Variants in TTLL9 observed in about 807,000 individuals in gnomAD.
TTLL9 encodes tubulin tyrosine ligase like 9, also known as probable tubulin polyglutamylase TTLL9.
TTLL9 carries 47 observed loss-of-function variants against 65.6 expected under a neutral mutation model. That is an observed-to-expected ratio of 0.72 (90% CI 0.57 to 0.91). The LOEUF (loss-of-function observed/expected upper bound fraction) is 0.91. Ranked by LOEUF, TTLL9 falls within the 40% of genes least tolerant of loss-of-function variation. The probability of loss-of-function intolerance (pLI) is 0.00; values close to 1 mark genes in which losing one functional copy is unlikely to be tolerated. For synonymous variants in TTLL9, 179 were observed against 204.8 expected (o/e 0.87, Z 1.07); for missense variants, 537 against 568.8 (o/e 0.94, Z 0.57).
At chr20:31,928,279 C>T (rs2063943905) in intron 10 of TTLL9, among the ~76,000 whole-genome samples, 1 of 151,882 alleles carries the variant, frequency 6.6e-6, no homozygotes, top group African/African-American at 2.4e-5. Context: ...ACATTTTCCA[C>T]CCCTTCTTTT....
intron 3 of TTLL9, among the ~76,000 whole-genome samples, chr20:31,890,182 T>TTTCTTTCTTTCTTTCTTTCTTTCC (rs1555810240): frequency 2.2e-5 from 3 of 138,084 alleles, no homozygotes; most frequent in African/African-American, 8.4e-5. Context: ...TCTTTCTTTC[T>TTTCTTTCTTTCTTTCTTTCTTTCC]TTCTTTCTTT....
At chr20:31,927,114 C>CAA (rs529572999) in intron 10 of TTLL9, among the ~76,000 whole-genome samples, 15 of 131,804 alleles carry the variant, frequency 1.1e-4, no homozygotes, top group Admixed American at 4.6e-4. Flanking sequence ...GACTGTATGT[C>CAA]AAAAAAAAAA....
At position 31,944,509 on chromosome 20, in the gene TTLL9, A is replaced by G. The variant is rs2123671998; in HGVS notation, c.*1488A>G. 1 of 152,488 alleles carries G rather than the reference A, an allele frequency of 6.6e-6. No individual in the cohort carries two copies. 9.4% of individuals were successfully genotyped at this position (152,488 alleles called of 1,614,324 possible). On this transcript the variant is annotated 3_prime_UTR_variant, in exon 15 of 15. Transcript: ENST00000535842. ...TGAGGGAATCACACTGTGCTTGCAC[A>G]AAAATTATTAGCTTATAAGACACCA...
At chr20:31,910,329 A>G (rs1044554728) in intron 6 of TTLL9, among the ~76,000 whole-genome samples, 2 of 152,256 alleles carry the variant, frequency 1.3e-5, no homozygotes, top group Non-Finnish European at 2.9e-5. Context: ...ACCATGTGCC[A>G]GGCACAGACC....
chr20:31,935,978 C>T (rs2064102598), intron 12 of TTLL9, among the ~76,000 whole-genome samples: 1 of 152,278 alleles, frequency 6.6e-6, no homozygotes, highest in South Asian at 2.1e-4. Flanking sequence ...CAGATGGCTA[C>T]GTCACCTCTC....
chr20:31,937,359 A>G (rs2064129751), intron 12 of TTLL9, 37 bp from the exon 13 acceptor site: 67 of 1,534,894 alleles, frequency 4.4e-5, no homozygotes, highest in Non-Finnish European at 5.9e-5. Context: ...CCAGGGACCG[A>G]GTAACCCTAA....
chr20:31,893,433 G>A (rs2063336389), intron 3 of TTLL9, among the ~76,000 whole-genome samples: 1 of 151,520 alleles, frequency 6.6e-6, no homozygotes, highest in South Asian at 2.1e-4. Context: ...TGGGATTACA[G>A]GTACCCGCCA....
In TTLL9 at chr20:31,922,962, G is replaced by C. The variant is rs776702385; in HGVS notation, c.574-1G>C. The C allele has an allele frequency of 1.1e-5, 18 of 1,609,470 alleles. No individual in the cohort carries two copies. Among genetic ancestry groups the C allele is most frequent in the Non-Finnish European group, 1.5e-5 (18 of 1,175,960 alleles). On this transcript the variant is annotated splice_acceptor_variant, in intron 7 of 14. Coordinates refer to ENST00000535842, the MANE Select transcript of TTLL9 (RefSeq NM_001008409.5). LOFTEE classifies it high-confidence loss of function. ...TCAATTATTATTATTATTACAACTA[G>C]GACACAAGAAGCTCTGACGACCAGA...
At chr20:31,942,442 G>T (rs1414879225) in intron 14 of TTLL9, among the ~76,000 whole-genome samples, 1 of 152,190 alleles carries the variant, frequency 6.6e-6, no homozygotes, top group Non-Finnish European at 1.5e-5. Context: ...AGGGAAGAAA[G>T]CTAACAGTAC....
At chr20:31,887,335 T>G (rs2063207582) in intron 3 of TTLL9, 96 bp downstream of exon 3, 4 of 1,346,878 alleles carry the variant, frequency 3.0e-6, no homozygotes, top group Non-Finnish European at 4.2e-6. Context: ...ACTTCAACAA[T>G]TATAATGAAA....
At chr20:31,937,616 T>C in intron 13 of TTLL9, 107 bp downstream of exon 13, 1 of 840,790 alleles carries the variant, frequency 1.2e-6, no homozygotes, top group Middle Eastern at 2.5e-4. Flanking sequence ...CCCTCAGCGA[T>C]GGCTCTGGCC....
chr20:31,889,042 A>G (rs995493655), intron 3 of TTLL9, among the ~76,000 whole-genome samples: 2 of 114,044 alleles, frequency 1.8e-5, no homozygotes, highest in African/African-American at 8.5e-5. Flanking sequence ...ATAAAGGCAC[A>G]CACACACACA....
At chr20:31,872,066 C>A (rs2062942693) in intron 2 of TTLL9, among the ~76,000 whole-genome samples, 1 of 152,086 alleles carries the variant, frequency 6.6e-6, no homozygotes, top group Admixed American at 6.5e-5. Context: ...GCTTACTAGC[C>A]ATATGCAGCT....
At chr20:31,899,285 A>G (rs1184509971) in intron 4 of TTLL9, among the ~76,000 whole-genome samples, 2 of 152,180 alleles carry the variant, frequency 1.3e-5, no homozygotes, top group African/African-American at 4.8e-5. Context: ...TCCAAGGTAG[A>G]GCTCCAGTCT....
At chr20:31,936,139 G>C (rs2064105705) in intron 12 of TTLL9, among the ~76,000 whole-genome samples, 1 of 152,200 alleles carries the variant, frequency 6.6e-6, no homozygotes, top group African/African-American at 2.4e-5. Context: ...CTGGGCCCCA[G>C]CTTTCTGTCT....
intron 2 of TTLL9, among the ~76,000 whole-genome samples, chr20:31,880,796 C>T (rs1026890080): frequency 2.7e-5 from 4 of 150,596 alleles, no homozygotes; most frequent in African/African-American, 4.9e-5. Context: ...CTCCATCTTA[C>T]TTCTTAATCC....
At chr20:31,884,620 C>G (rs554782827) in intron 2 of TTLL9, among the ~76,000 whole-genome samples, 1 of 152,158 alleles carries the variant, frequency 6.6e-6, no homozygotes. Context: ...TCTGGAGGCT[C>G]TAGGAGAGAA....
rs199940521 is a variant in TTLL9, at chr20:31,909,715, G to A, written c.319-22G>A. 199 of 1,609,240 alleles carry A rather than the reference G, an allele frequency of 1.2e-4. No homozygotes were observed. The African/African-American group carries it at 1.9e-3, about 15-fold the overall frequency. On this transcript the variant is annotated intron_variant, in intron 5 of 14. Transcript: ENST00000535842. ...GGGCTGTGAGCAGGAGCTAATGGCCGCCTGTCCTTCCCGCCACCCAGCTGA... is the reference window on the plus strand; with the variant it reads ...GGGCTGTGAGCAGGAGCTAATGGCCACCTGTCCTTCCCGCCACCCAGCTGA...
chr20:31,879,319 T>TCAAA (rs374054413), intron 2 of TTLL9, among the ~76,000 whole-genome samples: 1,592 of 152,156 alleles, frequency 0.01, 32 homozygotes, highest in Non-Finnish European at 0.014. Context: ...AGACTCCGTC[T>TCAAA]CAAACAAACA....
Sources: gnomAD v4.1 joint callset for allele counts (sites outside exome capture counted in the v4.1 genomes callset) on GRCh38, gnomAD v4.1.1 for gene constraint, MANE v1.5 for transcripts, NCBI Gene and HGNC (gene_info 2026-07-23, HGNC 2026-07-21) for gene names.